The following HMGB1 variants were observed in gnomAD, a reference collection of about 807,000 sequenced individuals.
HMGB1 encodes high mobility group protein B1.
For synonymous variants in HMGB1, 81 were observed against 84.0 expected (o/e 0.96, Z 0.19); for missense variants, 79 against 253.5 (o/e 0.31, Z 4.67).
intron 1 of HMGB1, among the ~76,000 whole-genome samples, chr13:30,604,692 C>T (rs1950437690): frequency 6.6e-6 from 1 of 152,258 alleles, no homozygotes; most frequent in Non-Finnish European, 1.5e-5. Flanking sequence ...GAGTCTCGCT[C>T]TGTCGCCCGG....
chr13:30,575,886 G>A (rs1470811443), intron 1 of HMGB1, among the ~76,000 whole-genome samples: 1 of 152,134 alleles, frequency 6.6e-6, no homozygotes, highest in Non-Finnish European at 1.5e-5. Context: ...CTGGGCAACA[G>A]AGTGAGACCC....
upstream of HMGB1, chr13:30,465,973 A>C: frequency 1.0e-6 from 1 of 985,922 alleles, no homozygotes; most frequent in Non-Finnish European, 1.2e-6. Context: ...GGCTACCGCC[A>C]ACTCACGGGG....
chr13:30,617,507 G>A (rs1189553847), exon 1 of HMGB1: 2 of 152,282 alleles, frequency 1.3e-5, no homozygotes, highest in Non-Finnish European at 2.9e-5. Flanking sequence ...GGTCACCCCA[G>A]GAACCAGCGG....
At chr13:30,602,371 C>G (rs1950412112) in intron 1 of HMGB1, among the ~76,000 whole-genome samples, 1 of 152,234 alleles carries the variant, frequency 6.6e-6, no homozygotes, top group Non-Finnish European at 1.5e-5. Context: ...AACTTCCAGT[C>G]ACCTACCAGA....
intron 1 of HMGB1, among the ~76,000 whole-genome samples, chr13:30,516,731 A>G (rs564242158): frequency 9.2e-5 from 14 of 152,232 alleles, no homozygotes; most frequent in Admixed American, 2.0e-4. Flanking sequence ...CAGCCTGAGC[A>G]CCATAGTGAG....
chr13:30,460,466 T>C lies in HMGB1; in HGVS notation c.*891A>G, dbSNP rs1886250132. The C allele has an allele frequency of 6.6e-6, 1 of 151,734 alleles. No homozygotes were observed. The highest frequency in any genetic ancestry group is 6.6e-5 in the Admixed American group (1 of 15,174). 9.4% of individuals were successfully genotyped at this position (151,734 alleles called of 1,614,324 possible). On this transcript the variant is annotated 3_prime_UTR_variant, in exon 5 of 5. Transcript: ENST00000341423. ...CTTTTGGGGATACATTCTCAGGTCT[T>C]CTTTAATGTGGGAACTGCAAAATAT...
chr13:30,472,211 G>A (rs910451802), intron 1 of HMGB1, among the ~76,000 whole-genome samples: 7 of 151,986 alleles, frequency 4.6e-5, no homozygotes, highest in Non-Finnish European at 7.4e-5. Context: ...CCCAGGGGGC[G>A]GAAGTTGCAG....
intron 1 of HMGB1, among the ~76,000 whole-genome samples, chr13:30,578,368 C>CTTTTTTTTTTTTTTTTTTTTT (rs60947686): frequency 1.7e-5 from 1 of 59,308 alleles, no homozygotes; most frequent in Non-Finnish European, 3.2e-5. Context: ...AGTTCTTGTT[C>CTTTTTTTTTTTTTTTTTTTTT]TTTTTTTTTT....
chr13:30,507,830 C>A (rs931532814), intron 1 of HMGB1, among the ~76,000 whole-genome samples: 1 of 152,000 alleles, frequency 6.6e-6, no homozygotes, highest in Non-Finnish European at 1.5e-5. Flanking sequence ...TCCATCTCTA[C>A]ATAAAATTTT....
At chr13:30,607,991 C>T (rs1255488031) in intron 1 of HMGB1, among the ~76,000 whole-genome samples, 1 of 152,080 alleles carries the variant, frequency 6.6e-6, no homozygotes, top group African/African-American at 2.4e-5. Flanking sequence ...GTATTCATAC[C>T]TTTGTGTAGG....
chr13:30,526,798 C>T (rs1215089523), intron 1 of HMGB1, among the ~76,000 whole-genome samples: 1 of 152,244 alleles, frequency 6.6e-6, no homozygotes, highest in Non-Finnish European at 1.5e-5. Flanking sequence ...CTCCATACCA[C>T]AGAGCCTTCC....
chr13:30,538,729 T>G (rs891647244), intron 1 of HMGB1, among the ~76,000 whole-genome samples: 4 of 147,578 alleles, frequency 2.7e-5, no homozygotes, highest in Non-Finnish European at 5.9e-5. Context: ...TTTTTCTTTC[T>G]TTTTCTTTCT....
intron 1 of HMGB1, among the ~76,000 whole-genome samples, chr13:30,567,950 A>G (rs899295116): frequency 1.3e-5 from 2 of 152,222 alleles, no homozygotes; most frequent in Non-Finnish European, 2.9e-5. Flanking sequence ...GCAGCTAAAG[A>G]TGAAGACTCG....
intron 1 of HMGB1, among the ~76,000 whole-genome samples, chr13:30,511,744 C>T (rs1887996773): frequency 6.6e-6 from 1 of 152,192 alleles, no homozygotes; most frequent in Non-Finnish European, 1.5e-5. Flanking sequence ...GGGCTCTCGG[C>T]CTTTGGTTTC....
intron 1 of HMGB1, among the ~76,000 whole-genome samples, chr13:30,478,367 A>G (rs1887147441): frequency 6.6e-6 from 1 of 152,210 alleles, no homozygotes; most frequent in Non-Finnish European, 1.5e-5. Context: ...TTTTAATTAA[A>G]AAAATTATGA....
chr13:30,505,354 A>G (rs549827162), intron 1 of HMGB1, among the ~76,000 whole-genome samples: 82 of 151,874 alleles, frequency 5.4e-4, no homozygotes, highest in South Asian at 4.4e-3. Context: ...AATTTTTTGT[A>G]TTTTTAGTAG....
intron 1 of HMGB1, among the ~76,000 whole-genome samples, chr13:30,479,390 C>T (rs921062708): frequency 6.6e-6 from 1 of 152,196 alleles, no homozygotes. Flanking sequence ...ACCAGTTTTG[C>T]AAGCTCTCCA....
intron 1 of HMGB1, chr13:30,465,122 C>T: frequency 1.0e-6 from 1 of 968,912 alleles, no homozygotes; most frequent in Non-Finnish European, 1.2e-6. Context: ...TGTTTTCTCT[C>T]CAGCCAGCAG....
intron 1 of HMGB1, among the ~76,000 whole-genome samples, chr13:30,495,092 C>A (rs1158183952): frequency 6.6e-6 from 1 of 152,162 alleles, no homozygotes; most frequent in Non-Finnish European, 1.5e-5. Context: ...ACAATTGGGT[C>A]ATCCCTAATT....
Sources: allele counts gnomAD v4.1 joint callset (sites outside exome capture counted in the v4.1 genomes callset), GRCh38; gene constraint gnomAD v4.1.1; transcripts MANE v1.5; gene names NCBI Gene and HGNC (gene_info 2026-07-23, HGNC 2026-07-21).